The following FOXP2 variants were observed in gnomAD, a reference collection of about 807,000 sequenced individuals.
The protein encoded by FOXP2 is forkhead box protein P2.
In FOXP2, 12 loss-of-function variants were observed where a neutral mutation model predicts 115.8. The ratio of observed to expected loss-of-function variants is 0.10; its 90% confidence interval spans 0.07 to 0.17. FOXP2 has a LOEUF of 0.17. Ranked by LOEUF, FOXP2 falls within the 10% of genes least tolerant of loss-of-function variation. The pLI is 1.00. For missense variants in FOXP2, 629 were observed against 843.5 expected (o/e 0.75, Z 3.15); for synonymous variants, 328 against 297.7 (o/e 1.10, Z -1.05).
intron 2 of FOXP2, among the ~76,000 whole-genome samples, chr7:114,362,287 A>G (rs1401933306): frequency 6.6e-6 from 1 of 152,124 alleles, no homozygotes; most frequent in Non-Finnish European, 1.5e-5. Flanking sequence ...CAAAAGAACA[A>G]TGAATAACCT....
At chr7:114,461,079 T>A (rs1347218823) in intron 2 of FOXP2, among the ~76,000 whole-genome samples, 1 of 152,158 alleles carries the variant, frequency 6.6e-6, no homozygotes, top group Admixed American at 6.5e-5. Context: ...TTTTTTTAAG[T>A]TAAAGGTCCA....
chr7:114,263,357 T>C (rs1584589802), intron 1 of FOXP2, among the ~76,000 whole-genome samples: 3 of 152,052 alleles, frequency 2.0e-5, no homozygotes, highest in African/African-American at 7.2e-5. Context: ...TTCTTTTTTT[T>C]TTTCAATTTT....
At chr7:114,404,567 A>T (rs1792985805) in intron 2 of FOXP2, among the ~76,000 whole-genome samples, 1 of 152,112 alleles carries the variant, frequency 6.6e-6, no homozygotes, top group African/African-American at 2.4e-5. Flanking sequence ...AAATTGCCTC[A>T]GTGAAGAAAA....
At chr7:114,650,838 G>A (rs1488877493) in intron 8 of FOXP2, among the ~76,000 whole-genome samples, 1 of 151,980 alleles carries the variant, frequency 6.6e-6, no homozygotes, top group Non-Finnish European at 1.5e-5. Flanking sequence ...ATTGTGACAA[G>A]ATACATGGAG....
intron 2 of FOXP2, among the ~76,000 whole-genome samples, chr7:114,373,485 G>T (rs1010752765): frequency 1.3e-5 from 2 of 152,162 alleles, no homozygotes; most frequent in Non-Finnish European, 2.9e-5. Flanking sequence ...ACTCCAAAGG[G>T]AATGCTCTTT....
At chr7:114,362,890 A>G (rs1368511070) in intron 2 of FOXP2, among the ~76,000 whole-genome samples, 1 of 152,084 alleles carries the variant, frequency 6.6e-6, no homozygotes, top group Non-Finnish European at 1.5e-5. Context: ...TTTGGATGAG[A>G]ATACTCAAAG....
At chr7:114,363,473 T>C (rs968537519) in intron 2 of FOXP2, among the ~76,000 whole-genome samples, 5 of 152,146 alleles carry the variant, frequency 3.3e-5, no homozygotes, top group African/African-American at 4.8e-5. Context: ...TATAAAAGCA[T>C]GAACATTGTA....
chr7:114,141,710 G>A (rs1381390465), intron 1 of FOXP2, among the ~76,000 whole-genome samples: 2 of 152,174 alleles, frequency 1.3e-5, no homozygotes, highest in African/African-American at 4.8e-5. Flanking sequence ...AATAAAGTTT[G>A]GAGGCACCAC....
chr7:114,651,529 A>T (rs1173629249), intron 8 of FOXP2, among the ~76,000 whole-genome samples: 2 of 152,128 alleles, frequency 1.3e-5, no homozygotes, highest in Non-Finnish European at 2.9e-5. Flanking sequence ...AGACTAATGC[A>T]TATTCAAGGT....
intron 2 of FOXP2, among the ~76,000 whole-genome samples, chr7:114,349,168 G>A (rs534753558): frequency 1.3e-5 from 2 of 151,938 alleles, no homozygotes; most frequent in South Asian, 2.1e-4. Flanking sequence ...AAAATTAACT[G>A]TAGACATGAA....
At chr7:114,567,946 A>G (rs1801104578) in intron 3 of FOXP2, among the ~76,000 whole-genome samples, 1 of 152,134 alleles carries the variant, frequency 6.6e-6, no homozygotes, top group South Asian at 2.1e-4. Flanking sequence ...TTATTCTCAC[A>G]TACTTTCAGT....
intron 2 of FOXP2, among the ~76,000 whole-genome samples, chr7:114,484,385 A>G (rs1278421719): frequency 6.6e-6 from 1 of 151,886 alleles, no homozygotes; most frequent in Non-Finnish European, 1.5e-5. Flanking sequence ...CTTTTAGTGC[A>G]TGATAATATT....
chr7:114,180,220 T>C (rs1037766111), intron 1 of FOXP2, among the ~76,000 whole-genome samples: 19 of 152,004 alleles, frequency 1.2e-4, no homozygotes, highest in Admixed American at 9.8e-4. Flanking sequence ...CAGTTTTTAA[T>C]CGCTTGTCTT....
At chr7:114,254,280 CTCT>C (rs1168673116) in intron 1 of FOXP2, among the ~76,000 whole-genome samples, 1 of 152,106 alleles carries the variant, frequency 6.6e-6, no homozygotes, top group Non-Finnish European at 1.5e-5. Flanking sequence ...CTTGGAGTTG[CTCT>C]TCTTTAGGAG....
chr7:114,440,748 T>G (rs548018866), intron 2 of FOXP2, among the ~76,000 whole-genome samples: 1 of 152,310 alleles, frequency 6.6e-6, no homozygotes, highest in South Asian at 2.1e-4. Flanking sequence ...CCATATATCA[T>G]CCATGGCTAT....
intron 1 of FOXP2, among the ~76,000 whole-genome samples, chr7:114,261,986 A>G (rs1795764597): frequency 6.6e-6 from 1 of 152,098 alleles, no homozygotes; most frequent in African/African-American, 2.4e-5. Flanking sequence ...TGAACCTGGG[A>G]GCTGGAGGTT....
At chr7:114,132,442 G>A (rs4357233) in intron 1 of FOXP2, among the ~76,000 whole-genome samples, 148,180 of 152,164 alleles carry the variant, frequency 0.97, 72,283 homozygotes, top group East Asian at 1. Context: ...TCTGCAGTCT[G>A]TGTTCTCATG....
chr7:114,644,656 G>T, intron 7 of FOXP2, 29 bp from the exon 8 acceptor site: 1 of 1,577,626 alleles, frequency 6.3e-7, no homozygotes, highest in Non-Finnish European at 8.7e-7. Flanking sequence ...TTTTTGAGAT[G>T]AATCTGACGT....
intron 2 of FOXP2, among the ~76,000 whole-genome samples, chr7:114,316,969 T>G (rs1797293953): frequency 6.6e-6 from 1 of 152,146 alleles, no homozygotes. Context: ...ATACAAAAAC[T>G]TACCCAGAAT....
Sources: gnomAD v4.1 joint callset for allele counts (sites outside exome capture counted in the v4.1 genomes callset) on GRCh38, gnomAD v4.1.1 for gene constraint, MANE v1.5 for transcripts, NCBI Gene and HGNC (gene_info 2026-07-23, HGNC 2026-07-21) for gene names.